IMPG1: variants seen among roughly 807,000 people sequenced by gnomAD.
The protein encoded by IMPG1 is interphotoreceptor matrix proteoglycan 1, also known as interphotoreceptor matrix proteoglycan of 150 kDa.
In IMPG1, 85 loss-of-function variants were observed where a neutral mutation model predicts 92.0. That is an observed-to-expected ratio of 0.92 (90% CI 0.78 to 1.11). The LOEUF (loss-of-function observed/expected upper bound fraction) is 1.11. Among genes scored for constraint, IMPG1 ranks in the 50% least tolerant of loss-of-function variants. IMPG1 has a pLI of 0.00. For synonymous variants in IMPG1, 367 were observed against 334.1 expected (o/e 1.10, Z -1.08); for missense variants, 1,022 against 956.0 (o/e 1.07, Z -0.91).
chr6:75,961,580 G>A (rs939328190), intron 12 of IMPG1, among the ~76,000 whole-genome samples: 1 of 152,184 alleles, frequency 6.6e-6, no homozygotes. Context: ...GGTACGCCAG[G>A]TGGTGATAAG....
chr6:75,997,226 A>C (rs2149475055), intron 12 of IMPG1, among the ~76,000 whole-genome samples: 1 of 152,292 alleles, frequency 6.6e-6, no homozygotes, highest in East Asian at 1.9e-4. Context: ...ACCTCTCTGA[A>C]TAATTTTTAT....
At chr6:76,021,206 C>T (rs978777433) in intron 6 of IMPG1, among the ~76,000 whole-genome samples, 3 of 152,208 alleles carry the variant, frequency 2.0e-5, no homozygotes, top group Admixed American at 2.0e-4. Context: ...CAAACTGAAC[C>T]AATTGTCAAC....
At chr6:76,040,754 A>G (rs1783821657) in intron 2 of IMPG1, among the ~76,000 whole-genome samples, 1 of 152,228 alleles carries the variant, frequency 6.6e-6, no homozygotes, top group Non-Finnish European at 1.5e-5. Flanking sequence ...ATAAGACTTG[A>G]TATTTTTGAA....
At chr6:76,017,444 C>T (rs1431665517) in intron 7 of IMPG1, among the ~76,000 whole-genome samples, 1 of 152,106 alleles carries the variant, frequency 6.6e-6, no homozygotes, top group Non-Finnish European at 1.5e-5. Context: ...TTGCATCAAA[C>T]TGTAAAAATA....
chr6:75,945,723 G>T (rs1295645241), intron 14 of IMPG1, among the ~76,000 whole-genome samples: 1 of 152,082 alleles, frequency 6.6e-6, no homozygotes, highest in Non-Finnish European at 1.5e-5. Context: ...TTTAGGGCTG[G>T]GGATCCCCAA....
intron 11 of IMPG1, among the ~76,000 whole-genome samples, chr6:76,003,223 C>G (rs910163708): frequency 1.3e-5 from 2 of 152,136 alleles, no homozygotes; most frequent in Non-Finnish European, 1.5e-5. Flanking sequence ...ATAACTGAAT[C>G]TGCCTGAATA....
At chr6:76,035,985 C>G (rs939435824) in intron 2 of IMPG1, among the ~76,000 whole-genome samples, 2 of 152,094 alleles carry the variant, frequency 1.3e-5, no homozygotes, top group Non-Finnish European at 2.9e-5. Context: ...ATAATGATGA[C>G]AGATCATGAT....
chr6:75,925,254 A>T (rs1275552972), intron 15 of IMPG1, among the ~76,000 whole-genome samples: 1 of 151,416 alleles, frequency 6.6e-6, no homozygotes, highest in African/African-American at 2.4e-5. Flanking sequence ...TGTCAGTTAA[A>T]TTTTTTTAAA....
At chr6:75,926,267 C>T (rs1325833869) in intron 15 of IMPG1, among the ~76,000 whole-genome samples, 1 of 152,202 alleles carries the variant, frequency 6.6e-6, no homozygotes, top group Non-Finnish European at 1.5e-5. Context: ...GAAGTTTGAA[C>T]TACATTAAAT....
intron 1 of IMPG1, among the ~76,000 whole-genome samples, chr6:76,062,327 G>T (rs4708209): frequency 0.05 from 7,605 of 152,190 alleles, 292 homozygotes; most frequent in Admixed American, 0.091. Flanking sequence ...TTTAGATAAA[G>T]CAAATCTTGA....
intron 1 of IMPG1, among the ~76,000 whole-genome samples, chr6:76,047,599 T>C (rs760189849): frequency 2.6e-5 from 4 of 152,244 alleles, no homozygotes; most frequent in Non-Finnish European, 5.9e-5. Context: ...TGTATTGTAA[T>C]CTTGCCCTCC....
At chr6:75,966,397 G>A (rs1213308340) in intron 12 of IMPG1, among the ~76,000 whole-genome samples, 1 of 152,146 alleles carries the variant, frequency 6.6e-6, no homozygotes, top group Non-Finnish European at 1.5e-5. Context: ...CCCATGTCAT[G>A]AATGAATTAA....
At chr6:76,024,922 AG>A (rs1783496433) in intron 5 of IMPG1, 1 of 510,558 alleles carries the variant, frequency 2.0e-6, no homozygotes, top group African/African-American at 1.9e-5. Flanking sequence ...ATATAATAGA[AG>A]AAAGAAGGCA....
At chr6:76,067,039 G>A (rs776806211) in intron 1 of IMPG1, among the ~76,000 whole-genome samples, 1 of 151,920 alleles carries the variant, frequency 6.6e-6, no homozygotes, top group Non-Finnish European at 1.5e-5. Context: ...TACAGCCAAA[G>A]CAGTGCTAAG....
intron 5 of IMPG1, among the ~76,000 whole-genome samples, chr6:76,022,794 A>C (rs769710587): frequency 2.6e-5 from 4 of 152,218 alleles, no homozygotes; most frequent in Non-Finnish European, 5.9e-5. Flanking sequence ...GCAAAGAAAA[A>C]AGCGTTATTA....
At chr6:75,932,439 A>T (rs1781681379) in intron 14 of IMPG1, among the ~76,000 whole-genome samples, 1 of 152,186 alleles carries the variant, frequency 6.6e-6, no homozygotes. Context: ...CTTTACTTTC[A>T]TGTAATTTTT....
intron 3 of IMPG1, 61 bp from the exon 4 acceptor site, chr6:76,034,404 A>T: frequency 6.7e-7 from 1 of 1,486,098 alleles, no homozygotes; most frequent in Non-Finnish European, 9.4e-7. Flanking sequence ...CGAAGAGTTA[A>T]AGTCAATTTT....
chr6:76,052,903 C>G (rs767500160), intron 1 of IMPG1, among the ~76,000 whole-genome samples: 2 of 152,092 alleles, frequency 1.3e-5, no homozygotes, highest in African/African-American at 2.4e-5. Context: ...GATTGTCAAC[C>G]AGCTTGGTGA....
intron 12 of IMPG1, among the ~76,000 whole-genome samples, chr6:75,957,617 T>C (rs1427461339): frequency 6.6e-6 from 1 of 152,214 alleles, no homozygotes; most frequent in Admixed American, 6.5e-5. Flanking sequence ...ATATTTAGGA[T>C]AGTTAGCTCT....
Sources: gnomAD v4.1 joint callset for allele counts (sites outside exome capture counted in the v4.1 genomes callset) on GRCh38, gnomAD v4.1.1 for gene constraint, MANE v1.5 for transcripts, NCBI Gene and HGNC (gene_info 2026-07-23, HGNC 2026-07-21) for gene names.